HNRNPK: variants seen among roughly 807,000 people sequenced by gnomAD.
HNRNPK encodes heterogeneous nuclear ribonucleoprotein K.
In HNRNPK, 7 loss-of-function variants were observed where a neutral mutation model predicts 67.0. The observed-to-expected ratio is 0.10, with a 90% confidence interval of 0.06 to 0.20. HNRNPK has a LOEUF of 0.20. HNRNPK is among the 10% of genes least tolerant of loss of function. The probability of loss-of-function intolerance (pLI) is 1.00; values close to 1 mark genes in which losing one functional copy is unlikely to be tolerated. For synonymous variants in HNRNPK, 213 were observed against 193.7 expected, an observed-to-expected ratio of 1.10 and a Z score of -0.83; for missense variants, 264 against 606.5, an observed-to-expected ratio of 0.44 and a Z score of 5.93.
chr9:83,971,941 G>C lies in HNRNPK; in HGVS notation c.894C>G (p.Gly298=). The change falls in exon 11 of 17, where the codon GGC becomes GGG. Residue 298 remains glycine, a synonymous_variant. Transcript: ENST00000376263. ...GATTCCGAGCTCTGCTACCACCCCG[G>C]CCGCCTCGTCCGGGAGGAGGGGGAG... ...GPPPPPPGRG[G]RGGSRARNLP... 1 of 1,594,568 alleles carries C rather than the reference G, an allele frequency of 6.3e-7. No homozygotes were observed. The highest frequency in any genetic ancestry group is 8.6e-7 in the Non-Finnish European group (1 of 1,167,302).
intron 12 of HNRNPK, 115 bp from the exon 13 acceptor site, chr9:83,971,471 G>A: frequency 1.2e-6 from 1 of 830,768 alleles, no homozygotes; most frequent in South Asian, 1.5e-5. Context: ...TATATAGGCA[G>A]CAATTTTGTA....
At chr9:83,970,055 A>C in intron 16 of HNRNPK, 107 bp downstream of exon 16, 1 of 884,960 alleles carries the variant, frequency 1.1e-6, no homozygotes. Flanking sequence ...TAGGTCCCCA[A>C]AAGGTTGAGA....
intron 10 of HNRNPK, among the ~76,000 whole-genome samples, chr9:83,972,522 G>A (rs770997542): frequency 3.9e-5 from 6 of 152,212 alleles, no homozygotes; most frequent in Non-Finnish European, 7.3e-5. Flanking sequence ...AAGGGCTGAA[G>A]AGATCAGTCT....
chr9:83,980,574 G>GCGTCTGCAGTGCTGT (rs1293048937), upstream of HNRNPK: 4 of 152,878 alleles, frequency 2.6e-5, no homozygotes. Flanking sequence ...GAGGATAATG[G>GCGTCTGCAGTGCTGT]CGTCTGCAGT....
At chr9:83,970,018 A>C in intron 16 of HNRNPK, 144 bp downstream of exon 16, 4 of 680,994 alleles carry the variant, frequency 5.9e-6, no homozygotes, top group Non-Finnish European at 1.0e-5. Flanking sequence ...AGAAAAATTA[A>C]GGCAAACTAT....
intron 5 of HNRNPK, among the ~76,000 whole-genome samples, chr9:83,976,346 T>G (rs1227084650): frequency 6.6e-6 from 1 of 152,218 alleles, no homozygotes; most frequent in East Asian, 1.9e-4. Flanking sequence ...TTTAGAAATT[T>G]TGGTGTAGCC....
At chr9:83,972,235 C>A (rs1432977580) in intron 10 of HNRNPK, 46 bp from the exon 11 acceptor site, 4 of 1,386,024 alleles carry the variant, frequency 2.9e-6, no homozygotes, top group Non-Finnish European at 4.0e-6. Flanking sequence ...GAAAAAGAGT[C>A]CTGCTTCATA....
At chr9:83,977,652 T>C in intron 4 of HNRNPK, 37 bp downstream of exon 4, 1 of 1,267,610 alleles carries the variant, frequency 7.9e-7, no homozygotes, top group Non-Finnish European at 1.1e-6. Flanking sequence ...TACCTGAGTA[T>C]GAACCACCTT....
In HNRNPK at chr9:83,969,061, G is replaced by C; in HGVS notation, c.*346C>G. The C allele has an allele frequency of 2.2e-6, 1 of 445,090 alleles. No homozygotes were observed. The highest frequency in any genetic ancestry group is 3.8e-5 in the East Asian group (1 of 26,552). The allele number at this position is 445,090 out of a possible 1,614,324, so 27.6% of individuals were successfully genotyped here. A position where few individuals can be genotyped will look rare whatever the true frequency, so the allele number is the denominator to read the frequency against. Reference sequence around the variant, plus strand: ...CCCCAAATGTTACAGTGACCACAAAGCAAGGTGTTCACAATAATTACATGG... The same window carrying C: ...CCCCAAATGTTACAGTGACCACAAACCAAGGTGTTCACAATAATTACATGG... On this transcript the variant is annotated 3_prime_UTR_variant, in exon 17 of 17. Coordinates refer to ENST00000376263, the MANE Select transcript of HNRNPK (RefSeq NM_031263.4).
rs78890015 is a variant in HNRNPK, at chr9:83,975,337, A to C, written c.257+125T>G. ...ACAAAAAGACTTAATGGGGAAAATA[A>C]GACAGAAACTTGAAAAACAATACAC... is the stretch of plus-strand genomic sequence containing the variant. On this transcript the variant is annotated intron_variant, in intron 6 of 16. Coordinates refer to ENST00000376263, the MANE Select transcript of HNRNPK (RefSeq NM_031263.4). 854 of 887,796 alleles carry C rather than the reference A, an allele frequency of 9.6e-4. 5 individuals carry two copies. In the African/African-American group the frequency reaches 0.012, roughly 13 times the overall value. The allele number at this position is 887,796 out of a possible 1,614,324, so 55.0% of individuals were successfully genotyped here.
At chr9:83,971,020 T>C in intron 13 of HNRNPK, 108 bp from the exon 14 acceptor site, 3 of 1,170,732 alleles carry the variant, frequency 2.6e-6, no homozygotes, top group Non-Finnish European at 3.8e-6. Flanking sequence ...TTGCCCAGGC[T>C]GGTCTCAAAC....
In HNRNPK at chr9:83,977,054, G is replaced by T. The variant is rs1037081480; in HGVS notation, c.157-3C>A. Reference sequence around the variant, plus strand: ...TTTCCAATCACTGCCCCAGCATTCTGGAGAAGATACAAAGACAAAAAATTA... The same window carrying T: ...TTTCCAATCACTGCCCCAGCATTCTTGAGAAGATACAAAGACAAAAAATTA... On this transcript the variant is annotated splice_region_variant and splice_polypyrimidine_tract_variant and intron_variant, in intron 4 of 16. Coordinates refer to ENST00000376263, the MANE Select transcript of HNRNPK (RefSeq NM_031263.4). The T allele has an allele frequency of 5.0e-6, 8 of 1,608,166 alleles. No individual in the cohort carries two copies. The highest frequency in any genetic ancestry group is 1.3e-5 in the African/African-American group (1 of 74,756).
chr9:83,970,347 A>G lies in HNRNPK; in HGVS notation c.1192-16T>C, dbSNP rs780502296. ...ATCCAGCCAACTGAAAAGATTTTTT[A>G]AAAGTATGTGTTTACGATATACTTT... is the stretch of plus-strand genomic sequence containing the variant. On this transcript the variant is annotated splice_polypyrimidine_tract_variant and intron_variant, in intron 15 of 16. Transcript: ENST00000376263. 88 of 1,601,562 alleles carry G rather than the reference A, an allele frequency of 5.5e-5. No homozygotes were observed. The highest frequency in any genetic ancestry group is 7.2e-5 in the Non-Finnish European group (84 of 1,172,008).
intron 5 of HNRNPK, 159 bp downstream of exon 5, chr9:83,976,836 C>T (rs1260095314): frequency 2.1e-6 from 1 of 472,552 alleles, no homozygotes; most frequent in Admixed American, 3.7e-5. Context: ...TTTGTTAAAA[C>T]AGGAATGGAT....
At chr9:83,976,702 C>A (rs1037229790) in intron 5 of HNRNPK, 5 of 256,352 alleles carry the variant, frequency 2.0e-5, no homozygotes, top group Non-Finnish European at 2.9e-5. Context: ...AGGATTTTTA[C>A]ACTTTGTCGC....
At chr9:83,974,685 T>C in intron 6 of HNRNPK, 96 bp from the exon 7 acceptor site, 1 of 748,148 alleles carries the variant, frequency 1.3e-6, no homozygotes, top group Non-Finnish European at 2.3e-6. Flanking sequence ...TTCACAGAGA[T>C]GTAACACATG....
At chr9:83,973,660 A>G (rs1956951853) in intron 8 of HNRNPK, among the ~76,000 whole-genome samples, 1 of 152,230 alleles carries the variant, frequency 6.6e-6, no homozygotes, top group African/African-American at 2.4e-5. Context: ...CGCTGTTACC[A>G]CAAAATTATT....
chr9:83,980,043 T>G (rs1480820827), intron 1 of HNRNPK, 110 bp downstream of exon 1: 1 of 152,642 alleles, frequency 6.6e-6, no homozygotes, highest in Non-Finnish European at 1.5e-5. Context: ...ACGTTCCCAC[T>G]CGGAGAAGCG....
chr9:83,972,749 A>C, intron 10 of HNRNPK, 95 bp downstream of exon 10: 1 of 845,728 alleles, frequency 1.2e-6, no homozygotes, highest in South Asian at 2.5e-5. Context: ...AGGGCAAATA[A>C]AGACTATTAG....
Sources: allele counts gnomAD v4.1 joint callset (sites outside exome capture counted in the v4.1 genomes callset), GRCh38; gene constraint gnomAD v4.1.1; transcripts MANE v1.5; gene names NCBI Gene and HGNC (gene_info 2026-07-23, HGNC 2026-07-21).